SETD1B: variants seen among roughly 807,000 people sequenced by gnomAD.
SETD1B encodes the protein SET domain containing 1B, histone lysine methyltransferase.
In SETD1B, 7 loss-of-function variants were observed where a neutral mutation model predicts 148.0. That is an observed-to-expected ratio of 0.05 (90% CI 0.03 to 0.09). SETD1B has a LOEUF of 0.09. Among genes scored for constraint, SETD1B ranks in the 10% least tolerant of loss-of-function variants. The pLI is 1.00. For missense variants in SETD1B, 2,155 were observed against 2,729.9 expected (o/e 0.79, Z 4.69); for synonymous variants, 1,361 against 1,186.5 (o/e 1.15, Z -3.02).
intron 16 of SETD1B, among the ~76,000 whole-genome samples, chr12:121,829,346 ACAAC>A (rs1876986839): frequency 6.6e-6 from 1 of 152,180 alleles, no homozygotes; most frequent in South Asian, 2.1e-4. Flanking sequence ...AGCAGTAGAC[ACAAC>A]CAAGAGGCCC....
Position 121,810,076 on chromosome 12 carries a change from A to C in SETD1B, c.1131A>C (p.Thr377=). The C allele has an allele frequency of 6.5e-7, 1 of 1,550,026 alleles. No homozygotes were observed. Among genetic ancestry groups the C allele is most frequent in the Non-Finnish European group, 8.7e-7 (1 of 1,146,864 alleles). ...PFKAQPQDSA[T]FAHTPPPAQA... ...AGGCTCAACCACAGGATTCAGCCAC[A>C]TTTGCCCACACTCCACCACCCGCCC... The change falls in exon 6 of 17, where the codon ACA becomes ACC. Residue 377 remains threonine, a synonymous_variant. Transcript: ENST00000604567. The surrounding 1 kb of genome is among the most constrained non-coding windows in gnomAD (Gnocchi z 7.6).
At chr12:121,820,611 G>A (rs1383770674) in intron 11 of SETD1B, among the ~76,000 whole-genome samples, 1 of 152,030 alleles carries the variant, frequency 6.6e-6, no homozygotes, top group Non-Finnish European at 1.5e-5. Context: ...TCGGCTCACC[G>A]CAAGCTCCGC....
chr12:121,800,570 C>T (rs888832863), upstream of SETD1B: 2 of 151,480 alleles, frequency 1.3e-5, no homozygotes, highest in African/African-American at 4.8e-5. Context: ...AGGACAAAGA[C>T]GAAAGAGGGA....
chr12:121,807,662 G>A (rs1013274361), intron 4 of SETD1B, among the ~76,000 whole-genome samples: 2 of 152,012 alleles, frequency 1.3e-5, no homozygotes, highest in East Asian at 3.9e-4. Context: ...AGGGGTGGAG[G>A]GTTCAAGCCC....
rs1469076865 is a variant in SETD1B at position 121,804,643 on chromosome 12, C to T, written c.-14-81C>T. ...AAGGTGGGAGGGGGTGGGGGCCTGCCGATTGGATTCTTTCGCGTGTGTGTA... is the reference window on the plus strand; with the variant it reads ...AAGGTGGGAGGGGGTGGGGGCCTGCTGATTGGATTCTTTCGCGTGTGTGTA... On this transcript the variant is annotated intron_variant, in intron 1 of 16. Transcript: ENST00000604567. This position sits in a 1 kb window ranked among gnomAD's most constrained non-coding sequence, Gnocchi z 4.6. The T allele has an allele frequency of 1.8e-5, 23 of 1,266,106 alleles. No individual in the cohort carries two copies. Among genetic ancestry groups the T allele is most frequent in the East Asian group, 2.6e-5 (1 of 38,788 alleles). 78.4% of individuals were successfully genotyped at this position (1,266,106 alleles called of 1,614,324 possible).
In SETD1B at chr12:121,809,440, C is replaced by T. The variant is rs533859172; in HGVS notation, c.658-163C>T. Reference sequence around the variant, plus strand: ...CCTAAGATTAGAGAAAAAGTTAGTACCATCCTGACACTCCTCCTCAATCTC... The same window carrying T: ...CCTAAGATTAGAGAAAAAGTTAGTATCATCCTGACACTCCTCCTCAATCTC... On this transcript the variant is annotated intron_variant, in intron 5 of 16. Transcript: ENST00000604567. 2.6e-5 allele frequency among the ~76,000 whole-genome samples: 4 copies of T among 152,282 alleles called. 1 individual carries two copies. The South Asian group carries it at 8.3e-4, about 32-fold the overall frequency.
At position 121,820,940 on chromosome 12, in the gene SETD1B, G is replaced by A. The variant is rs1052875558; in HGVS notation, c.3910+1045G>A. ...ATGCAGTTTTCAACCAAATATGGAC[G>A]GAAAAGACCGGTGGGATGCGAAACC... On this transcript the variant is annotated intron_variant, in intron 11 of 16. Transcript: ENST00000604567. Among the ~76,000 whole-genome samples the A allele has an allele frequency of 3.3e-5, 5 of 152,300 alleles. No individual in the cohort carries two copies. In the East Asian group the frequency reaches 5.8e-4, roughly 18 times the overall value.
chr12:121,817,501 GAGA>G lies in SETD1B; in HGVS notation c.3112_3114del (p.Lys1038del), dbSNP rs1876349240. The G allele has an allele frequency of 6.4e-7, 1 of 1,551,284 alleles. No individual in the cohort carries two copies. Among genetic ancestry groups the G allele is most frequent in the African/African-American group, 1.4e-5 (1 of 73,180 alleles). On this transcript the variant is annotated inframe_deletion, in exon 9 of 17. Transcript: ENST00000604567. This position sits in a 1 kb window ranked among gnomAD's most constrained non-coding sequence, Gnocchi z 8.1. Reference sequence around the variant, plus strand: ...GCTGGACAGTGGTGGGGAGGAGGACGAGAAGGAGTCATTGTCGGCGTCCTCGTC... The same window carrying G: ...GCTGGACAGTGGTGGGGAGGAGGACGAGGAGTCATTGTCGGCGTCCTCGTC...
chr12:121,812,072 G>C (rs1304456507), intron 6 of SETD1B, among the ~76,000 whole-genome samples: 2 of 152,132 alleles, frequency 1.3e-5, no homozygotes, highest in Non-Finnish European at 2.9e-5. Context: ...CCCCGGGAGC[G>C]AGGGTCTGGG....
rs547311982 is a variant in SETD1B at position 121,819,780 on chromosome 12, C to T, written c.3795C>T (p.Ser1265=). The T allele has an allele frequency of 3.2e-6, 5 of 1,551,610 alleles. No individual in the cohort carries two copies. The East Asian group carries it at 7.3e-5, about 23-fold the overall frequency. Residue 1265 remains serine, a synonymous_variant, in exon 11 of 17, where the codon TCC becomes TCT. Transcript: ENST00000604567. ...LPVGVEEPAD[S]REPPEEPGLS... is the part of the protein sequence containing the mutation. ...TGGGTGTTGAAGAGCCAGCGGACTCCAGGGAGCCGCCTGAGGAACCAGGCC... is the reference window on the plus strand; with the variant it reads ...TGGGTGTTGAAGAGCCAGCGGACTCTAGGGAGCCGCCTGAGGAACCAGGCC...
At chr12:121,815,228 A>C (rs1259883349) in intron 7 of SETD1B, among the ~76,000 whole-genome samples, 1 of 152,216 alleles carries the variant, frequency 6.6e-6, no homozygotes, top group African/African-American at 2.4e-5. Flanking sequence ...GGAGTTCAAG[A>C]TCAGCCTGAG....
chr12:121,820,565 G>A (rs1438980847), intron 11 of SETD1B, among the ~76,000 whole-genome samples: 2 of 151,782 alleles, frequency 1.3e-5, no homozygotes, highest in South Asian at 2.1e-4. Context: ...ACATAGTCCC[G>A]CTCTGTCACC....
Position 121,804,984 on chromosome 12 carries a change from C to T in SETD1B, c.174+73C>T, listed in dbSNP as rs1875653855. The T allele has an allele frequency of 1.3e-5, 19 of 1,462,694 alleles. No homozygotes were observed. The South Asian group carries it at 2.3e-4, about 18-fold the overall frequency. 90.6% of individuals were successfully genotyped at this position (1,462,694 alleles called of 1,614,324 possible). A position where few individuals can be genotyped will look rare whatever the true frequency, so the allele number is the denominator to read the frequency against. On this transcript the variant is annotated intron_variant, in intron 2 of 16. Coordinates refer to ENST00000604567, the MANE Select transcript of SETD1B (RefSeq NM_001353345.2). The surrounding 1 kb of genome is among the most constrained non-coding windows in gnomAD (Gnocchi z 4.6). Reference sequence around the variant, plus strand: ...GGAGACGCGCCTAGCGGCCAGGGACCCCCCGCCCGATCCCCCGGCCAACTG... The same window carrying T: ...GGAGACGCGCCTAGCGGCCAGGGACTCCCCGCCCGATCCCCCGGCCAACTG...
At chr12:121,797,234 GGA>G in the SETD1B span, 6 of 357,774 alleles carry the variant, frequency 1.7e-5, no homozygotes, top group South Asian at 1.0e-4. Context: ...GGCTCCGGGC[GGA>G]GAGGCCGGAA....
At chr12:121,814,080 A>G in intron 6 of SETD1B, 26 bp from the exon 7 acceptor site, 1 of 1,531,968 alleles carries the variant, frequency 6.5e-7, no homozygotes, top group East Asian at 2.5e-5. Context: ...GACTCACCTC[A>G]CTGTCTCTCC....
In SETD1B at chr12:121,822,710, G is replaced by C; in HGVS notation, c.4131G>C (p.Glu1377Asp). The C allele has an allele frequency of 6.5e-7, 1 of 1,530,692 alleles. No homozygotes were observed. The highest frequency in any genetic ancestry group is 8.8e-7 in the Non-Finnish European group (1 of 1,131,904). The allele number at this position is 1,530,692 out of a possible 1,614,324, so 94.8% of individuals were successfully genotyped here. A position where few individuals can be genotyped will look rare whatever the true frequency, so the allele number is the denominator to read the frequency against. Residue 1377 changes from glutamate to aspartate, a missense_variant, in exon 12 of 17, where the codon GAG (glutamate) becomes GAC (aspartate). Glu to Asp is a conservative substitution (Grantham distance 45). Coordinates refer to ENST00000604567, the MANE Select transcript of SETD1B (RefSeq NM_001353345.2). ...CGSLAKSQST[E>D]TVPATPGGEP... ...GCCTGGCCAAGTCGCAGAGCACAGA[G>C]ACGGTGCCAGCCACACCAGGCGGGG...
At chr12:121,798,639 C>G in the SETD1B span, among the ~76,000 whole-genome samples, 24 of 152,350 alleles carry the variant, frequency 1.6e-4, no homozygotes, top group African/African-American at 3.6e-4. Context: ...CACCAAGATA[C>G]CTTTAGCAAG....
chr12:121,819,729 C>T lies in SETD1B; in HGVS notation c.3744C>T (p.Ser1248=). 1 of 1,551,278 alleles carries T rather than the reference C, an allele frequency of 6.4e-7. No homozygotes were observed. The highest frequency in any genetic ancestry group is 1.2e-5 in the South Asian group (1 of 84,048). Residue 1248 remains serine, a synonymous_variant, in exon 11 of 17, where the codon TCC becomes TCT. Transcript: ENST00000604567. ...CTGTGGCCCCTGAGGAGCGGCCCTC[C>T]ATGCTGGACGAGCCCCCCTTGCCTG... ...TEAVAPEERP[S]MLDEPPLPVG... is the part of the protein sequence containing the mutation.
chr12:121,797,396 G>A, the SETD1B span: 6 of 449,552 alleles, frequency 1.3e-5, no homozygotes, highest in Middle Eastern at 3.3e-4. Flanking sequence ...GGTGGGCGGG[G>A]CGCCCTCGAG....
Sources: gnomAD v4.1 joint callset for allele counts (sites outside exome capture counted in the v4.1 genomes callset) on GRCh38, gnomAD v4.1.1 for gene constraint, Gnocchi (gnomAD v3.1) non-coding constraint, MANE v1.5 for transcripts, NCBI Gene and HGNC (gene_info 2026-07-23, HGNC 2026-07-21) for gene names.